Variants in CADM2 observed in about 807,000 individuals in gnomAD.
CADM2 encodes the protein cell adhesion molecule 2.
In CADM2, 12 loss-of-function variants were observed where a neutral mutation model predicts 49.8. The ratio of observed to expected loss-of-function variants is 0.24; its 90% CI spans 0.15 to 0.39. The LOEUF is 0.39. Ranked by LOEUF, CADM2 falls within the 10% of genes least tolerant of loss-of-function variation. CADM2 has a pLI of 1.00. For missense variants in CADM2, 378 were observed against 492.3 expected (o/e 0.77, Z 2.20); for synonymous variants, 214 against 175.4 (o/e 1.22, Z -1.74).
intron 1 of CADM2, among the ~76,000 whole-genome samples, chr3:84,969,507 C>CT (rs11456909): frequency 0.35 from 52,177 of 149,408 alleles, 9,266 homozygotes; most frequent in Middle Eastern, 0.38. Flanking sequence ...TCTGGTCTAT[C>CT]TTTTTTTTTA....
intron 1 of CADM2, among the ~76,000 whole-genome samples, chr3:85,312,294 CAT>C (rs1480183408): frequency 6.6e-6 from 1 of 152,024 alleles, no homozygotes; most frequent in African/African-American, 2.4e-5. Context: ...AAATTAATGA[CAT>C]AATATGATTT....
chr3:85,714,963 A>G (rs916370738), intron 1 of CADM2, among the ~76,000 whole-genome samples: 1 of 152,190 alleles, frequency 6.6e-6, no homozygotes, highest in Non-Finnish European at 1.5e-5. Flanking sequence ...CATTCTCATT[A>G]CTAATACAGA....
chr3:86,029,550 T>C (rs1203523864), intron 8 of CADM2, among the ~76,000 whole-genome samples: 2 of 151,958 alleles, frequency 1.3e-5, no homozygotes, highest in African/African-American at 2.4e-5. Context: ...CATTTTTTTT[T>C]CTGAGTATTT....
At chr3:85,098,607 T>C (rs2037893609) in intron 1 of CADM2, among the ~76,000 whole-genome samples, 1 of 152,160 alleles carries the variant, frequency 6.6e-6, no homozygotes, top group Non-Finnish European at 1.5e-5. Context: ...AATTCTGATA[T>C]GAAGCTAAAA....
chr3:85,387,089 T>A (rs2034271722), intron 1 of CADM2, among the ~76,000 whole-genome samples: 1 of 152,110 alleles, frequency 6.6e-6, no homozygotes. Context: ...AGAATTTGTC[T>A]CATGGAGCCG....
rs113859145 is a variant in CADM2 at position 86,039,445 on chromosome 3, C to A, written c.971-26160C>A. Among the ~76,000 whole-genome samples, 953 of 152,300 alleles carry A rather than the reference C, an allele frequency of 6.3e-3. 8 individuals are homozygous for A. The highest frequency in any genetic ancestry group is 0.02 in the African/African-American group (816 of 41,562). ...CACACCAGGAGATTATATCCCACGC[C>A]TGGCTCAGAGGGTCCCACGCCCACG... On this transcript the variant is annotated intron_variant, in intron 8 of 9. Transcript: ENST00000383699.
At chr3:85,132,098 G>A (rs1264248482) in intron 1 of CADM2, among the ~76,000 whole-genome samples, 11 of 152,104 alleles carry the variant, frequency 7.2e-5, no homozygotes, top group Non-Finnish European at 5.9e-5. Context: ...AAGGGATAAT[G>A]TTTTCAATTT....
intron 1 of CADM2, among the ~76,000 whole-genome samples, chr3:85,093,275 C>T (rs1344041925): frequency 6.6e-6 from 1 of 152,034 alleles, no homozygotes; most frequent in Non-Finnish European, 1.5e-5. Flanking sequence ...AATCCCAGCA[C>T]TTTGGGAGGC....
chr3:86,030,431 A>G (rs1734421840), intron 8 of CADM2, among the ~76,000 whole-genome samples: 1 of 152,036 alleles, frequency 6.6e-6, no homozygotes, highest in Non-Finnish European at 1.5e-5. Flanking sequence ...CATGTAATTC[A>G]GTGTAAACTC....
intron 1 of CADM2, among the ~76,000 whole-genome samples, chr3:85,061,156 G>A (rs1326745845): frequency 6.6e-6 from 1 of 152,024 alleles, no homozygotes; most frequent in African/African-American, 2.4e-5. Context: ...TCTAAAAGAG[G>A]TAGTTTCTAT....
chr3:85,261,014 A>G (rs1295653106), intron 1 of CADM2, among the ~76,000 whole-genome samples: 1 of 152,170 alleles, frequency 6.6e-6, no homozygotes, highest in Non-Finnish European at 1.5e-5. Flanking sequence ...TTTTTGATGA[A>G]GAAAAATATG....
At chr3:85,789,379 T>C (rs2071193529) in intron 2 of CADM2, among the ~76,000 whole-genome samples, 1 of 152,190 alleles carries the variant, frequency 6.6e-6, no homozygotes, top group Admixed American at 6.5e-5. Context: ...AAAATAATAT[T>C]CTAGAAAGAT....
intron 1 of CADM2, among the ~76,000 whole-genome samples, chr3:85,632,606 A>G (rs1439355946): frequency 6.6e-6 from 1 of 152,040 alleles, no homozygotes; most frequent in Non-Finnish European, 1.5e-5. Context: ...AGAAATTATA[A>G]AGAGCTAAAT....
chr3:85,540,430 T>C (rs6779501), intron 1 of CADM2, among the ~76,000 whole-genome samples: 77,865 of 151,918 alleles, frequency 0.51, 23,034 homozygotes, highest in East Asian at 0.85. Flanking sequence ...ATACTTGGCA[T>C]TTTAGATTTG....
chr3:85,552,943 C>G (rs1035193465), intron 1 of CADM2, among the ~76,000 whole-genome samples: 1 of 150,828 alleles, frequency 6.6e-6, no homozygotes, highest in Non-Finnish European at 1.5e-5. Context: ...TCCCAAAGTC[C>G]TGGGATTACA....
intron 1 of CADM2, among the ~76,000 whole-genome samples, chr3:85,243,454 G>A: frequency 6.6e-6 from 1 of 152,010 alleles, no homozygotes; most frequent in East Asian, 1.9e-4. Context: ...CATTTCCAAA[G>A]AACTATCATT....
intron 1 of CADM2, among the ~76,000 whole-genome samples, chr3:85,595,019 G>T (rs77952467): frequency 4.0e-5 from 6 of 151,842 alleles, no homozygotes; most frequent in African/African-American, 1.5e-4. Flanking sequence ...AATTTAAAAG[G>T]GGAAAATTTT....
intron 5 of CADM2, among the ~76,000 whole-genome samples, chr3:85,897,129 T>G (rs557831449): frequency 6.4e-4 from 98 of 152,170 alleles, no homozygotes; most frequent in African/African-American, 2.3e-3. Context: ...TTAACATTCT[T>G]TCTACCTTAT....
At chr3:84,959,766 G>A in intron 1 of CADM2, 98 bp downstream of exon 1, 1 of 1,183,092 alleles carries the variant, frequency 8.5e-7, no homozygotes, top group Non-Finnish European at 1.2e-6. Context: ...CAGTCTCCCT[G>A]TCCCCAGCGA....
Sources: allele counts gnomAD v4.1 joint callset (sites outside exome capture counted in the v4.1 genomes callset), GRCh38; gene constraint gnomAD v4.1.1; transcripts MANE v1.5; gene names NCBI Gene and HGNC (gene_info 2026-07-23, HGNC 2026-07-21).